CEP192: variants seen among roughly 807,000 people sequenced by gnomAD.
CEP192 encodes the protein centrosomal protein 192.
In CEP192, 151 loss-of-function variants were observed where a neutral mutation model predicts 271.8. The observed-to-expected ratio is 0.56, with a 90% CI of 0.49 to 0.64. The LOEUF is 0.64. Among genes scored for constraint, CEP192 ranks in the 30% least tolerant of loss-of-function variants. The pLI is 0.00. For missense variants in CEP192, 2,910 were observed against 3,020.5 expected (o/e 0.96, Z 0.86); for synonymous variants, 995 against 1,076.5 (o/e 0.92, Z 1.48).
At chr18:13,069,609 C>T (rs1442452669) in intron 26 of CEP192, 129 bp from the exon 27 acceptor site, 13 of 665,978 alleles carry the variant, frequency 2.0e-5, no homozygotes, top group East Asian at 1.3e-4. Context: ...AAGTTGAGAC[C>T]GTGACAGACA....
intron 5 of CEP192, among the ~76,000 whole-genome samples, chr18:13,013,591 C>T (rs1430332749): frequency 2.0e-5 from 3 of 152,138 alleles, no homozygotes; most frequent in Non-Finnish European, 4.4e-5. Flanking sequence ...GATCTAATGT[C>T]CACTTCTGTG....
At chr18:13,042,949 A>G (rs1172149616) in intron 15 of CEP192, among the ~76,000 whole-genome samples, 1 of 152,164 alleles carries the variant, frequency 6.6e-6, no homozygotes, top group African/African-American at 2.4e-5. Flanking sequence ...TGAGGTGTGT[A>G]TGTCGTAGGG....
chr18:13,090,758 C>G (rs568419092), intron 33 of CEP192, among the ~76,000 whole-genome samples: 8 of 152,310 alleles, frequency 5.3e-5, no homozygotes, highest in Non-Finnish European at 7.3e-5. Context: ...ATCTGTCCCA[C>G]TACAGCCCCA....
rs2037264907 is a variant in CEP192, at chr18:13,058,985, G to A, written c.4258-97G>A. The A allele has an allele frequency of 6.4e-6, 5 of 787,382 alleles. No homozygotes were observed. The South Asian group carries it at 6.5e-5, about 10-fold the overall frequency. 48.8% of individuals were successfully genotyped at this position (787,382 alleles called of 1,614,324 possible). ...AGATAATAAATGTTTTAATTTGGCA[G>A]TTTGAGTGATTGGGAAAAGGAATCT... On this transcript the variant is annotated intron_variant, in intron 20 of 44. Coordinates refer to ENST00000506447, the MANE Select transcript of CEP192 (RefSeq NM_032142.4).
intron 6 of CEP192, among the ~76,000 whole-genome samples, chr18:13,015,757 T>C (rs1268620088): frequency 6.6e-6 from 1 of 152,078 alleles, no homozygotes; most frequent in Admixed American, 6.5e-5. Context: ...ATTTTTTTTT[T>C]TTTTTTGAGA....
At position 13,047,992 on chromosome 18, in the gene CEP192, G is replaced by A. The variant is rs577668360; in HGVS notation, c.2068-867G>A. 1.6e-4 allele frequency among the ~76,000 whole-genome samples: 24 copies of A among 152,240 alleles called. No individual in the cohort carries two copies. The East Asian group carries it at 2.3e-3, about 15-fold the overall frequency. ...AATAACCTGGTACTATATAATTAAAGTTGATAGCAGCTGTCTTTTTCATTA... is the reference window on the plus strand; with the variant it reads ...AATAACCTGGTACTATATAATTAAAATTGATAGCAGCTGTCTTTTTCATTA... On this transcript the variant is annotated intron_variant, in intron 15 of 44. Coordinates refer to ENST00000506447, the MANE Select transcript of CEP192 (RefSeq NM_032142.4).
At chr18:13,113,790 A>T in intron 41 of CEP192, 85 bp downstream of exon 41, 1 of 1,205,672 alleles carries the variant, frequency 8.3e-7, no homozygotes. Context: ...TGGCCTGAAA[A>T]TGCAGAATAT....
At chr18:13,013,896 TAA>T (rs1187408414) in intron 5 of CEP192, among the ~76,000 whole-genome samples, 1 of 152,258 alleles carries the variant, frequency 6.6e-6, no homozygotes, top group African/African-American at 2.4e-5. Context: ...GGGTCTAAAG[TAA>T]AAGTTATTTC....
In CEP192 at chr18:13,062,977, A is replaced by T. The variant is rs536798009; in HGVS notation, c.4488+3665A>T. Reference sequence around the variant, plus strand: ...GAAACCAGAAATAAGTGAGAACGTGATGTTTGTCTTTCTGTGCCTGGCTTA... The same window carrying T: ...GAAACCAGAAATAAGTGAGAACGTGTTGTTTGTCTTTCTGTGCCTGGCTTA... On this transcript the variant is annotated intron_variant, in intron 21 of 44. Coordinates refer to ENST00000506447, the MANE Select transcript of CEP192 (RefSeq NM_032142.4). Among the ~76,000 whole-genome samples the T allele has an allele frequency of 1.1e-4, 17 of 152,200 alleles. No homozygotes were observed. In the South Asian group the frequency reaches 3.5e-3, roughly 32 times the overall value.
chr18:12,999,223 G>C (rs1213189183), intron 1 of CEP192, among the ~76,000 whole-genome samples, 198 bp from the exon 2 acceptor site: 9 of 152,072 alleles, frequency 5.9e-5, no homozygotes, highest in Non-Finnish European at 1.5e-5. Flanking sequence ...AATGTTTAAG[G>C]TTTCTATTCT....
At chr18:13,086,951 C>T in intron 30 of CEP192, 66 bp from the exon 31 acceptor site, 2 of 1,137,192 alleles carry the variant, frequency 1.8e-6, no homozygotes, top group Non-Finnish European at 2.6e-6. Context: ...TTTCTTCTCA[C>T]TGTAATTCAG....
chr18:13,048,961 G>C lies in CEP192; in HGVS notation c.2170G>C (p.Glu724Gln), dbSNP rs760593908. 19 of 1,613,962 alleles carry C rather than the reference G, an allele frequency of 1.2e-5. No homozygotes were observed. The South Asian group carries it at 2.0e-4, about 17-fold the overall frequency. Reference sequence around the variant, plus strand: ...CAGCACCATTGCTTCAGCCATTGCAGAGGCATCAGTTAATACTGATCCTTC... The same window carrying C: ...CAGCACCATTGCTTCAGCCATTGCACAGGCATCAGTTAATACTGATCCTTC... Reference protein sequence around the residue: ...RISTIASAIAEASVNTDPSQL... With the variant: ...RISTIASAIAQASVNTDPSQL... Residue 724 changes from glutamate (E) to glutamine (Q), a missense_variant, in exon 16 of 45, where the codon GAG becomes CAG. Transcript: ENST00000506447.
intron 43 of CEP192, among the ~76,000 whole-genome samples, chr18:13,116,889 G>A (rs1056811260): frequency 3.3e-5 from 5 of 152,096 alleles, no homozygotes; most frequent in Non-Finnish European, 7.4e-5. Context: ...GATTACAGGC[G>A]TGTGCCACCA....
chr18:13,047,585 G>T (rs1218218125), intron 15 of CEP192, among the ~76,000 whole-genome samples: 1 of 152,172 alleles, frequency 6.6e-6, no homozygotes, highest in African/African-American at 2.4e-5. Context: ...GCTTGCTGGT[G>T]CTTTCAAAGA....
rs767286607 is a variant in CEP192 at position 13,095,568 on chromosome 18, C to G, written c.6320C>G (p.Pro2107Arg). Residue 2107 changes from proline (P) to arginine (R), a missense_variant, in exon 35 of 45, where the codon CCT becomes CGT. By Grantham distance (103) the Pro-to-Arg change is moderately radical. Coordinates refer to ENST00000506447, the MANE Select transcript of CEP192 (RefSeq NM_032142.4). ...TTGGATGTTTTACCAGTCAAAGGTC[C>G]TCAGGGTTCTCCTCTTCTCTCACGG... ...VSLDVLPVKGPQGSPLLSRAA... is the reference protein window; with the variant it reads ...VSLDVLPVKGRQGSPLLSRAA... The G allele has an allele frequency of 1.9e-6, 3 of 1,614,148 alleles. No homozygotes were observed. Among genetic ancestry groups the G allele is most frequent in the Non-Finnish European group, 2.5e-6 (3 of 1,179,988 alleles).
chr18:13,033,097 TC>T (rs1297582962), intron 11 of CEP192, among the ~76,000 whole-genome samples: 1 of 152,190 alleles, frequency 6.6e-6, no homozygotes, highest in Non-Finnish European at 1.5e-5. Flanking sequence ...GCAGATGTGT[TC>T]AGATTGTGAA....
In CEP192 at chr18:13,089,416, A is replaced by G; in HGVS notation, c.5994-40A>G. 3.1e-6 allele frequency: 3 copies of G among 964,808 alleles called. No homozygotes were observed. The South Asian group carries it at 4.8e-5, about 16-fold the overall frequency. 59.8% of individuals were successfully genotyped at this position (964,808 alleles called of 1,614,324 possible). A position where few individuals can be genotyped will look rare whatever the true frequency, so the allele number is the denominator to read the frequency against. On this transcript the variant is annotated intron_variant, in intron 32 of 44. Transcript: ENST00000506447. ...TCTAATTAAAGTTATTTTATATATA[A>G]CGTCACTTTTAAATAATAAAAAAAA... is the stretch of plus-strand genomic sequence containing the variant.
intron 2 of CEP192, among the ~76,000 whole-genome samples, chr18:13,000,946 C>T (rs758555331): frequency 1.3e-5 from 2 of 152,204 alleles, no homozygotes; most frequent in Non-Finnish European, 2.9e-5. Flanking sequence ...GAGGGAGACT[C>T]TGTCTCAAGA....
At position 13,024,187 on chromosome 18, in the gene CEP192, G is replaced by A. The variant is rs116795446; in HGVS notation, c.1050+4981G>A. 1,318 of 373,108 alleles carry A rather than the reference G, an allele frequency of 3.5e-3. 24 individuals are homozygous for A. In the East Asian group the frequency reaches 0.038, roughly 11 times the overall value. 23.1% of individuals were successfully genotyped at this position (373,108 alleles called of 1,614,324 possible). A position where few individuals can be genotyped will look rare whatever the true frequency, so the allele number is the denominator to read the frequency against. On this transcript the variant is annotated intron_variant, in intron 9 of 44. Coordinates refer to ENST00000506447, the MANE Select transcript of CEP192 (RefSeq NM_032142.4). ...ATGCTGTCTTGTAAGGTGTATACAC[G>A]TTAAGGATGGTTATGTCTTCCTAGA...
Sources: gnomAD v4.1 joint callset for allele counts (sites outside exome capture counted in the v4.1 genomes callset) on GRCh38, gnomAD v4.1.1 for gene constraint, MANE v1.5 for transcripts, NCBI Gene and HGNC (gene_info 2026-07-23, HGNC 2026-07-21) for gene names.